NCOA1: variants seen among roughly 807,000 people sequenced by gnomAD.
The protein encoded by NCOA1 is nuclear receptor coactivator 1.
NCOA1 carries 35 observed loss-of-function variants against 150.9 expected under a neutral mutation model. The observed-to-expected ratio is 0.23, with a 90% CI of 0.18 to 0.31. NCOA1 has a LOEUF of 0.31. Among genes scored for constraint, NCOA1 ranks in the 10% least tolerant of loss-of-function variants. NCOA1 has a pLI of 1.00. For synonymous variants in NCOA1, 590 were observed against 630.0 expected (o/e 0.94, Z 0.95); for missense variants, 1,491 against 1,749.3 (o/e 0.85, Z 2.63).
chr2:24,645,972 T>C (rs529224997), intron 4 of NCOA1, among the ~76,000 whole-genome samples: 1 of 152,236 alleles, frequency 6.6e-6, no homozygotes, highest in African/African-American at 2.4e-5. Context: ...AGGAAAGTAA[T>C]GTTAGTACCT....
chr2:24,713,456 T>C (rs1673861814), intron 14 of NCOA1, among the ~76,000 whole-genome samples: 1 of 152,134 alleles, frequency 6.6e-6, no homozygotes, highest in African/African-American at 2.4e-5. Flanking sequence ...GAAAAGATTC[T>C]AAAACCTTTC....
chr2:24,758,002 C>G lies in NCOA1; in HGVS notation c.3911C>G (p.Pro1304Arg), dbSNP rs529378565. Residue 1304 changes from proline (P) to arginine (R), a missense_variant, in exon 21 of 23, where the codon CCC (proline) becomes CGC (arginine). By Grantham distance (103) the Pro-to-Arg change is moderately radical. Coordinates refer to ENST00000348332, the MANE Select transcript of NCOA1 (RefSeq NM_003743.5). ...TTCAGTCAAGCTGTCCAGAACCAGC[C>G]CACGCCTGCACAGCCAGGAGTATAC... ...NVFSQAVQNQ[P>R]TPAQPGVYNN... 1 of 1,613,966 alleles carries G rather than the reference C, an allele frequency of 6.2e-7. No homozygotes were observed. The highest frequency in any genetic ancestry group is 1.1e-5 in the South Asian group (1 of 91,070).
chr2:24,683,664 A>G (rs1196484248), intron 8 of NCOA1, among the ~76,000 whole-genome samples: 1 of 152,056 alleles, frequency 6.6e-6, no homozygotes, highest in Non-Finnish European at 1.5e-5. Context: ...CAGGGCTGGG[A>G]CCTTAGGAGT....
chr2:24,729,814 A>C lies in NCOA1; in HGVS notation c.3200A>C (p.Gln1067Pro), dbSNP rs924761657. 1.9e-6 allele frequency: 3 copies of C among 1,609,346 alleles called. No homozygotes were observed. The highest frequency in any genetic ancestry group is 2.5e-6 in the Non-Finnish European group (3 of 1,177,308). ...QLQQRLQGQQ[Q>P]LIHQNRQAIL... ...CAGCAGCGATTACAGGGACAACAGC[A>C]GGTAAGTGCTCTTGTTTAGCAGTTG... The change falls in exon 17 of 23, where the codon CAG (glutamine) becomes CCG (proline). Residue 1067 changes from glutamine to proline, a missense_variant and splice_region_variant. Transcript: ENST00000348332.
chr2:24,705,852 T>C (rs1346112309), intron 12 of NCOA1, among the ~76,000 whole-genome samples: 2 of 152,200 alleles, frequency 1.3e-5, no homozygotes, highest in Non-Finnish European at 2.9e-5. Flanking sequence ...TGTATTTGCT[T>C]ATTGGAACAT....
chr2:24,586,352 G>A (rs1667409909), intron 3 of NCOA1, among the ~76,000 whole-genome samples: 1 of 151,256 alleles, frequency 6.6e-6, no homozygotes, highest in African/African-American at 2.4e-5. Flanking sequence ...TTGGGTGGCT[G>A]AGGTGTGAGA....
chr2:24,580,016 T>C (rs894629265), intron 2 of NCOA1, among the ~76,000 whole-genome samples: 1 of 152,132 alleles, frequency 6.6e-6, no homozygotes, highest in African/African-American at 2.4e-5. Flanking sequence ...GATGCAAAAA[T>C]AGACACAGAT....
intron 1 of NCOA1, among the ~76,000 whole-genome samples, chr2:24,543,014 A>G (rs755402022): frequency 3.9e-5 from 6 of 152,218 alleles, no homozygotes; most frequent in Admixed American, 1.3e-4. Context: ...TGAGGATACA[A>G]TGACAAACAG....
intron 3 of NCOA1, among the ~76,000 whole-genome samples, chr2:24,592,812 T>C (rs770534742): frequency 6.6e-6 from 1 of 152,020 alleles, no homozygotes; most frequent in Admixed American, 6.6e-5. Context: ...CCCACTGAAG[T>C]AGACATTTTA....
At chr2:24,641,876 G>C (rs1362058130) in intron 3 of NCOA1, among the ~76,000 whole-genome samples, 1 of 151,946 alleles carries the variant, frequency 6.6e-6, no homozygotes, top group Non-Finnish European at 1.5e-5. Context: ...TGAGACACTG[G>C]ATCTGACAGT....
intron 8 of NCOA1, among the ~76,000 whole-genome samples, chr2:24,688,241 A>G (rs1403191985): frequency 6.6e-6 from 1 of 152,160 alleles, no homozygotes. Context: ...TTATGGTGGA[A>G]TGATTTATAT....
intron 3 of NCOA1, among the ~76,000 whole-genome samples, chr2:24,587,791 T>C (rs1558816194): frequency 6.6e-6 from 1 of 152,230 alleles, no homozygotes; most frequent in Non-Finnish European, 1.5e-5. Context: ...GTGGTTGTCT[T>C]ACTTGAATGT....
At chr2:24,738,292 T>G (rs1462487313) in intron 17 of NCOA1, among the ~76,000 whole-genome samples, 2 of 151,416 alleles carry the variant, frequency 1.3e-5, no homozygotes, top group Non-Finnish European at 2.9e-5. Flanking sequence ...GATATATAAG[T>G]ATATATAATT....
At chr2:24,533,384 A>G (rs944529354) in intron 1 of NCOA1, among the ~76,000 whole-genome samples, 2 of 152,206 alleles carry the variant, frequency 1.3e-5, no homozygotes, top group African/African-American at 2.4e-5. Context: ...CAATCATGTC[A>G]TCTGAGAATA....
At chr2:24,724,256 T>C (rs1201726448) in intron 14 of NCOA1, among the ~76,000 whole-genome samples, 1 of 152,190 alleles carries the variant, frequency 6.6e-6, no homozygotes, top group Non-Finnish European at 1.5e-5. Flanking sequence ...GCTGCCTGTT[T>C]CCAGCAGAAA....
intron 19 of NCOA1, among the ~76,000 whole-genome samples, chr2:24,747,461 C>T (rs1258768853): frequency 6.6e-6 from 1 of 151,036 alleles, no homozygotes. Flanking sequence ...TCCTGAGTAG[C>T]TAGAACTACA....
In NCOA1 at chr2:24,729,574, G is replaced by T; in HGVS notation, c.2960G>T (p.Arg987Ile). 1 of 1,614,190 alleles carries T rather than the reference G, an allele frequency of 6.2e-7. No individual in the cohort carries two copies. The highest frequency in any genetic ancestry group is 1.7e-5 in the Admixed American group (1 of 60,022). ...ACGCCACCTTTGATCATGGAAGAAA[G>T]ACCCAACCTTTATTCCCAGCCTTAC... ...QATPPLIMEE[R>I]PNLYSQPYSS... The change falls in exon 17 of 23, where the codon AGA becomes ATA. Residue 987 changes from arginine (R) to isoleucine (I), a missense_variant. This residue lies in a region of NCOA1 where 485 missense variants were observed against 522.8 expected (regional missense o/e 0.93). Transcript: ENST00000348332.
At chr2:24,736,789 A>G (rs1426382757) in intron 17 of NCOA1, among the ~76,000 whole-genome samples, 1 of 152,218 alleles carries the variant, frequency 6.6e-6, no homozygotes, top group Non-Finnish European at 1.5e-5. Context: ...ACGAGACGTC[A>G]GCAGTACCTC....
chr2:24,755,833 G>A (rs1406829327), intron 20 of NCOA1, among the ~76,000 whole-genome samples: 1 of 152,178 alleles, frequency 6.6e-6, no homozygotes, highest in Non-Finnish European at 1.5e-5. Context: ...TGCAGTCCTT[G>A]AAGTTTCCAC....
Sources: allele counts gnomAD v4.1 joint callset (sites outside exome capture counted in the v4.1 genomes callset), GRCh38; gene constraint gnomAD v4.1.1; regional missense constraint gnomAD v4.1.1; transcripts MANE v1.5; gene names NCBI Gene and HGNC (gene_info 2026-07-23, HGNC 2026-07-21).